TUT7: variants seen among roughly 807,000 people sequenced by gnomAD.
The protein encoded by TUT7 is terminal uridylyl transferase 7, also known as terminal uridylyltransferase 7.
A neutral mutation model predicts 165.9 loss-of-function variants in TUT7; 33 were observed. The ratio of observed to expected loss-of-function variants is 0.20; its 90% confidence interval spans 0.15 to 0.27. The LOEUF is 0.27. Ranked by LOEUF, TUT7 falls within the 10% of genes least tolerant of loss-of-function variation. The pLI is 1.00. For synonymous variants in TUT7, 552 were observed against 608.1 expected, an observed-to-expected ratio of 0.91 and a Z score of 1.36; for missense variants, 1,338 against 1,762.3, an observed-to-expected ratio of 0.76 and a Z score of 4.31.
At position 86,346,450 on chromosome 9, in the gene TUT7, T is replaced by G. The variant is rs1186926017; in HGVS notation, c.551A>C (p.Lys184Thr). Residue 184 changes from lysine to threonine, a missense_variant, in exon 3 of 27, where the codon AAG becomes ACG. Around this residue, in one of 7 missense-constraint regions of TUT7, gnomAD observed 434 missense variants for 480.8 expected, o/e 0.90. Transcript: ENST00000375963. ...ENKKQRSRPRKPRKTRNEENE... is the reference protein window; with the variant it reads ...ENKKQRSRPRTPRKTRNEENE... ...TTCCTCATTTCTAGTCTTCCGTGGC[T>G]TCCTAGGTCTGGACCTCTGCTTCTT... The G allele has an allele frequency of 1.2e-6, 2 of 1,613,994 alleles. No homozygotes were observed. Among genetic ancestry groups the G allele is most frequent in the Non-Finnish European group, 1.7e-6 (2 of 1,179,888 alleles).
At position 86,351,350 on chromosome 9, in the gene TUT7, C is replaced by T. The variant is rs558905440; in HGVS notation, c.520+1330G>A. Among the ~76,000 whole-genome samples the T allele has an allele frequency of 6.6e-5, 10 of 152,184 alleles. No individual in the cohort carries two copies. The South Asian group carries it at 2.1e-3, about 32-fold the overall frequency. On this transcript the variant is annotated intron_variant, in intron 2 of 26. Coordinates refer to ENST00000375963, the MANE Select transcript of TUT7 (RefSeq NM_024617.4). The stretch of plus-strand genomic sequence containing the variant: ...ACTTTGGGGGATGAGACAGGAGAAT[C>T]GCTTGAACCCAGGAGGCAGAGGTTG...
intron 25 of TUT7, 170 bp from the exon 26 acceptor site, chr9:86,301,771 G>A: frequency 1.0e-6 from 1 of 985,362 alleles, no homozygotes; most frequent in East Asian, 1.1e-4. Flanking sequence ...CTGTTAAGAT[G>A]CTCCCTCAGG....
In TUT7 at chr9:86,345,044, A is replaced by G; in HGVS notation, c.930T>C (p.Asn310=). The G allele has an allele frequency of 6.2e-7, 1 of 1,613,314 alleles. No homozygotes were observed. Among genetic ancestry groups the G allele is most frequent in the Non-Finnish European group, 8.5e-7 (1 of 1,179,462 alleles). Reference sequence around the variant, plus strand: ...TTTCCAGCCTCTGTTCCAAGTTCTCATTGTGTAAGCCAAATTCCTGTACCA... The same window carrying G: ...TTTCCAGCCTCTGTTCCAAGTTCTCGTTGTGTAAGCCAAATTCCTGTACCA... ...DKVVQEFGLH[N]ENLEQRLEIK... Residue 310 remains asparagine (N), a synonymous_variant, in exon 5 of 27, where the codon AAT becomes AAC. Transcript: ENST00000375963.
intron 10 of TUT7, among the ~76,000 whole-genome samples, chr9:86,334,277 C>A: frequency 6.6e-6 from 1 of 152,198 alleles, no homozygotes; most frequent in East Asian, 1.9e-4. Flanking sequence ...TTCCTCTCAT[C>A]CTGCCAGAAG....
intron 5 of TUT7, chr9:86,344,754 C>A: frequency 2.0e-6 from 1 of 502,738 alleles, no homozygotes; most frequent in Non-Finnish European, 3.4e-6. Context: ...AAAGTTCACA[C>A]ACAGGGTAAA....
intron 17 of TUT7, among the ~76,000 whole-genome samples, chr9:86,313,103 G>A (rs940442279): frequency 6.7e-6 from 1 of 149,416 alleles, no homozygotes; most frequent in African/African-American, 2.5e-5. Context: ...CCCCCTCTGC[G>A]AGAAACACCC....
intron 26 of TUT7, among the ~76,000 whole-genome samples, chr9:86,289,863 A>G (rs1825782896): frequency 6.6e-6 from 1 of 152,198 alleles, no homozygotes; most frequent in Admixed American, 6.5e-5. Context: ...TAAAAACCTT[A>G]TAATTAACAA....
intron 26 of TUT7, among the ~76,000 whole-genome samples, chr9:86,293,855 C>G (rs1484240332): frequency 6.6e-6 from 1 of 152,114 alleles, no homozygotes; most frequent in South Asian, 2.1e-4. Flanking sequence ...AGTGATTCTC[C>G]TGCCCTCAGC....
rs753304576 is a variant in TUT7 at position 86,323,445 on chromosome 9, G to A, written c.2305C>T (p.Arg769Cys). ...CTGCCACAGACAACATGCTCTCCAC[G>A]TTTCTGATCAACAGTCAACAGATGC... ...GKHLLTVDQK[R>C]GEHVVCGSTR... The change falls in exon 13 of 27, where the codon CGT becomes TGT. Residue 769 changes from arginine to cysteine, a missense_variant. Arg to Cys is a radical substitution (Grantham distance 180, BLOSUM62 -3). Transcript: ENST00000375963. 17 of 1,614,044 alleles carry A rather than the reference G, an allele frequency of 1.1e-5. No individual in the cohort carries two copies. Among genetic ancestry groups the A allele is most frequent in the African/African-American group, 9.3e-5 (7 of 74,914 alleles).
intron 22 of TUT7, 117 bp from the exon 23 acceptor site, chr9:86,305,356 TAA>T (rs1037978791): frequency 1.2e-4 from 86 of 692,128 alleles, no homozygotes; most frequent in Non-Finnish European, 1.3e-4. Context: ...TTATCATTAA[TAA>T]GTTTTAAATT....
intron 10 of TUT7, among the ~76,000 whole-genome samples, chr9:86,333,893 A>G (rs1830539761): frequency 6.6e-6 from 1 of 152,150 alleles, no homozygotes; most frequent in Non-Finnish European, 1.5e-5. Context: ...CGTAGCTGAA[A>G]ATTCCTCTGG....
intron 2 of TUT7, 116 bp downstream of exon 2, chr9:86,352,564 C>T: frequency 8.0e-7 from 1 of 1,247,514 alleles, no homozygotes; most frequent in Non-Finnish European, 1.2e-6. Flanking sequence ...TTTCTTAAAA[C>T]AGAAACTGTG....
At chr9:86,310,434 TAAAC>T (rs1827942468) in intron 18 of TUT7, among the ~76,000 whole-genome samples, 3 of 151,700 alleles carry the variant, frequency 2.0e-5, no homozygotes. Context: ...GCTGGTGAAA[TAAAC>T]AATCAGTTCC....
At position 86,323,103 on chromosome 9, in the gene TUT7, A is replaced by G. The variant is rs953004337; in HGVS notation, c.2647T>C (p.Tyr883His). 1.2e-6 allele frequency: 2 copies of G among 1,614,138 alleles called. No homozygotes were observed. Among genetic ancestry groups the G allele is most frequent in the Non-Finnish European group, 1.7e-6 (2 of 1,180,026 alleles). ...MANEDELDNT[Y>H]TGSGDEDALS... ...GCGTCCTCATCCCCTGACCCAGTGT[A>G]GGTGTTGTCTAACTCATCTTCATTA... Residue 883 changes from tyrosine to histidine, a missense_variant, in exon 13 of 27, where the codon TAC becomes CAC. Coordinates refer to ENST00000375963, the MANE Select transcript of TUT7 (RefSeq NM_024617.4).
rs139689108 is a variant in TUT7, at chr9:86,322,834, A to G, written c.2877+39T>C. 4.8e-3 allele frequency: 7,403 copies of G among 1,528,342 alleles called. 41 individuals carry two copies. The highest frequency in any genetic ancestry group is 4.7e-3 in the Non-Finnish European group (5,383 of 1,144,082). 94.7% of individuals were successfully genotyped at this position (1,528,342 alleles called of 1,614,324 possible). A position where few individuals can be genotyped will look rare whatever the true frequency, so the allele number is the denominator to read the frequency against. ...AAATTAAATGCATTCAAAGTCCTTA[A>G]AGTCTCCTAGTTCTATGACTAGTGG... On this transcript the variant is annotated intron_variant, in intron 13 of 26. Coordinates refer to ENST00000375963, the MANE Select transcript of TUT7 (RefSeq NM_024617.4).
intron 6 of TUT7, among the ~76,000 whole-genome samples, chr9:86,341,590 T>C (rs1026848793): frequency 6.6e-6 from 1 of 152,178 alleles, no homozygotes; most frequent in East Asian, 1.9e-4. Flanking sequence ...TACCTAGCCA[T>C]CCTAATCTCC....
At chr9:86,345,836 T>C in intron 3 of TUT7, 51 bp from the exon 4 acceptor site, 1 of 1,291,236 alleles carries the variant, frequency 7.7e-7, no homozygotes, top group East Asian at 2.3e-5. Context: ...AAACCAAACA[T>C]TCAGATAAAC....
intron 9 of TUT7, among the ~76,000 whole-genome samples, chr9:86,338,446 C>T (rs958067571): frequency 2.0e-5 from 3 of 152,022 alleles, no homozygotes; most frequent in African/African-American, 7.3e-5. Flanking sequence ...CAGAGAGTAT[C>T]TTCTATTTTT....
At chr9:86,341,556 C>G (rs1361390507) in intron 6 of TUT7, among the ~76,000 whole-genome samples, 2 of 152,206 alleles carry the variant, frequency 1.3e-5, no homozygotes, top group African/African-American at 4.8e-5. Context: ...ATGGTCTACA[C>G]AATTCGGCCA....
Sources: gnomAD v4.1 joint callset for allele counts (sites outside exome capture counted in the v4.1 genomes callset) on GRCh38, gnomAD v4.1.1 for gene constraint, gnomAD v4.1.1 regional missense constraint, MANE v1.5 for transcripts, NCBI Gene and HGNC (gene_info 2026-07-23, HGNC 2026-07-21) for gene names.